DBF4B: variants seen among roughly 807,000 people sequenced by gnomAD.
The protein encoded by DBF4B is protein DBF4 homolog B.
Under a neutral mutation model 53.4 loss-of-function variants are expected in DBF4B, and 49 were observed. The ratio of observed to expected loss-of-function variants is 0.92; its 90% CI spans 0.73 to 1.16. DBF4B has a LOEUF of 1.16. Among genes scored for constraint, DBF4B ranks in the 50% most tolerant of loss-of-function variants. DBF4B has a pLI of 0.00. For missense variants in DBF4B, 692 were observed against 775.0 expected, an observed-to-expected ratio of 0.89 and a Z score of 1.27; for synonymous variants, 257 against 288.7, an observed-to-expected ratio of 0.89 and a Z score of 1.11.
intron 2 of DBF4B, among the ~76,000 whole-genome samples, chr17:44,721,643 T>G (rs1275948768): frequency 2.0e-5 from 3 of 152,134 alleles, no homozygotes; most frequent in African/African-American, 7.2e-5. Flanking sequence ...TTATGACAGA[T>G]AGACAATCTA....
At chr17:44,722,775 A>G in intron 2 of DBF4B, 105 bp from the exon 3 acceptor site, 3 of 1,296,616 alleles carry the variant, frequency 2.3e-6, no homozygotes, top group East Asian at 4.6e-5. Context: ...CCCAGGGTCT[A>G]GTCTGTGCTA....
Position 44,751,316 on chromosome 17 carries a change from G to A in DBF4B, c.*63G>A, listed in dbSNP as rs2049274441. On this transcript the variant is annotated 3_prime_UTR_variant, in exon 14 of 14. Coordinates refer to ENST00000315005, the MANE Select transcript of DBF4B (RefSeq NM_145663.3). ...GATGGGTGCTGCTTGATGTGAATGA[G>A]GTCCCGCAGTGGCTCCTTGGCGTGA... 3.2e-6 allele frequency: 5 copies of A among 1,547,234 alleles called. No homozygotes were observed. The highest frequency in any genetic ancestry group is 4.4e-6 in the Non-Finnish European group (5 of 1,149,140).
intron 9 of DBF4B, among the ~76,000 whole-genome samples, chr17:44,740,301 C>T (rs567852492): frequency 6.6e-6 from 1 of 152,356 alleles, no homozygotes; most frequent in Non-Finnish European, 1.5e-5. Context: ...GAACCCCTGG[C>T]TTGCACTGTT....
chr17:44,746,833 G>C (rs1439124682), intron 10 of DBF4B, among the ~76,000 whole-genome samples: 2 of 144,874 alleles, frequency 1.4e-5, no homozygotes, highest in African/African-American at 2.6e-5. Context: ...AAAAAAAAAA[G>C]AGAGAGAGGA....
intron 3 of DBF4B, among the ~76,000 whole-genome samples, chr17:44,729,168 T>G (rs1974600071): frequency 1.3e-5 from 2 of 151,778 alleles, no homozygotes; most frequent in Admixed American, 6.6e-5. Context: ...TTAATAGTGG[T>G]AAAGTGTATA....
chr17:44,738,486 A>G, intron 9 of DBF4B, 62 bp downstream of exon 9: 2 of 1,528,016 alleles, frequency 1.3e-6, no homozygotes, highest in East Asian at 2.3e-5. Context: ...GGGAGGAGGG[A>G]GGGGTGCTCA....
chr17:44,722,783 C>A, intron 2 of DBF4B, 97 bp from the exon 3 acceptor site: 3 of 1,382,730 alleles, frequency 2.2e-6, no homozygotes, highest in Non-Finnish European at 3.0e-6. Flanking sequence ...CTAGTCTGTG[C>A]TATTATAGCA....
chr17:44,736,998 G>T, intron 8 of DBF4B, 132 bp downstream of exon 8: 1 of 1,077,846 alleles, frequency 9.3e-7, no homozygotes, highest in Non-Finnish European at 1.4e-6. Flanking sequence ...TTGCCCCTTT[G>T]TGTTTCCAGG....
At chr17:44,744,740 C>T (rs1230748774) in intron 10 of DBF4B, among the ~76,000 whole-genome samples, 1 of 152,154 alleles carries the variant, frequency 6.6e-6, no homozygotes, top group Non-Finnish European at 1.5e-5. Context: ...CATGCTGTGA[C>T]TGGCAGATAT....
chr17:44,750,821 C>T lies in DBF4B; in HGVS notation c.1416C>T (p.Asp472=), dbSNP rs73984065. The T allele has an allele frequency of 2.2e-5, 35 of 1,614,122 alleles. No homozygotes were observed. The African/African-American group carries it at 4.3e-4, about 20-fold the overall frequency. ...LLPGEWSPAE[D]MPLHPSQENS... ...CTGGGGAGTGGTCGCCTGCAGAGGACATGCCCCTCCATCCCTCCCAAGAAA... is the reference window on the plus strand; with the variant it reads ...CTGGGGAGTGGTCGCCTGCAGAGGATATGCCCCTCCATCCCTCCCAAGAAA... Residue 472 remains aspartate (D), a synonymous_variant, in exon 14 of 14, where the codon GAC becomes GAT. Coordinates refer to ENST00000315005, the MANE Select transcript of DBF4B (RefSeq NM_145663.3).
At chr17:44,741,094 C>T (rs918786063) in intron 9 of DBF4B, among the ~76,000 whole-genome samples, 1 of 151,272 alleles carries the variant, frequency 6.6e-6, no homozygotes, top group Non-Finnish European at 1.5e-5. Flanking sequence ...GAGATCGCGC[C>T]ACTGCACTCC....
At chr17:44,728,216 T>G (rs1157826477) in intron 3 of DBF4B, among the ~76,000 whole-genome samples, 5 of 152,094 alleles carry the variant, frequency 3.3e-5, no homozygotes, top group African/African-American at 1.2e-4. Context: ...CTAGCTGATT[T>G]AACATGGTGG....
At chr17:44,729,130 G>A (rs937253783) in intron 3 of DBF4B, among the ~76,000 whole-genome samples, 2 of 151,688 alleles carry the variant, frequency 1.3e-5, no homozygotes, top group African/African-American at 4.8e-5. Flanking sequence ...AAAGGTAAAT[G>A]TAATCCTTCA....
At chr17:44,726,546 G>C (rs1235330723) in intron 3 of DBF4B, among the ~76,000 whole-genome samples, 1 of 151,814 alleles carries the variant, frequency 6.6e-6, no homozygotes, top group African/African-American at 2.4e-5. Context: ...ACAGGCATGA[G>C]CCACAGCATC....
At chr17:44,736,906 C>T (rs1297819872) in intron 8 of DBF4B, 40 bp downstream of exon 8, 2 of 1,610,360 alleles carry the variant, frequency 1.2e-6, no homozygotes, top group Non-Finnish European at 1.7e-6. Flanking sequence ...TGCAATCCCT[C>T]CCTCCCTAAA....
At chr17:44,750,517 G>A in intron 13 of DBF4B, 78 bp from the exon 14 acceptor site, 2 of 1,511,874 alleles carry the variant, frequency 1.3e-6, no homozygotes, top group East Asian at 4.5e-5. Context: ...TTCAGGAAAT[G>A]TAAATAAATT....
intron 2 of DBF4B, among the ~76,000 whole-genome samples, chr17:44,716,999 C>A (rs1295496048): frequency 1.3e-5 from 2 of 152,048 alleles, no homozygotes; most frequent in African/African-American, 4.8e-5. Flanking sequence ...TATTTTTATT[C>A]TTTTTCTGTC....
At chr17:44,741,007 C>A (rs1467428251) in intron 9 of DBF4B, among the ~76,000 whole-genome samples, 1 of 152,058 alleles carries the variant, frequency 6.6e-6, no homozygotes, top group Non-Finnish European at 1.5e-5. Context: ...TGGTGGCGGA[C>A]GCCTGTAGTC....
chr17:44,744,081 ACCCCCCCCC>A (rs71361595), intron 10 of DBF4B, among the ~76,000 whole-genome samples: 1 of 8,694 alleles, frequency 1.2e-4, no homozygotes, highest in African/African-American at 5.3e-4. Flanking sequence ...TAATGAGACC[ACCCCCCCCC>A]CCCCCCGCCC....
Sources: allele counts gnomAD v4.1 joint callset (sites outside exome capture counted in the v4.1 genomes callset), GRCh38; gene constraint gnomAD v4.1.1; transcripts MANE v1.5; gene names NCBI Gene and HGNC (gene_info 2026-07-23, HGNC 2026-07-21).